The following ANAPC1 variants were observed in gnomAD, a reference collection of about 807,000 sequenced individuals.
ANAPC1 encodes anaphase-promoting complex subunit 1.
In ANAPC1, 36 loss-of-function variants were observed where a neutral mutation model predicts 208.0. The ratio of observed to expected loss-of-function variants is 0.17; its 90% CI spans 0.13 to 0.23. The LOEUF (loss-of-function observed/expected upper bound fraction) is 0.23, where lower values mean the gene tolerates loss of function less well. Among genes scored for constraint, ANAPC1 ranks in the 10% least tolerant of loss-of-function variants. The pLI is 1.00. For missense variants in ANAPC1, 942 were observed against 2,011.6 expected, an observed-to-expected ratio of 0.47 and a Z score of 10.17; for synonymous variants, 378 against 695.2, an observed-to-expected ratio of 0.54 and a Z score of 7.18.
chr2:111,864,095 G>A (rs28508499), intron 8 of ANAPC1, among the ~76,000 whole-genome samples, 200 bp from the exon 9 acceptor site: 1 of 152,068 alleles, frequency 6.6e-6, no homozygotes, highest in Admixed American at 6.6e-5. Flanking sequence ...GGGAGGGTGA[G>A]GAGAGAGGAT....
chr2:111,824,863 A>C, intron 24 of ANAPC1, 103 bp downstream of exon 24: 1 of 1,199,758 alleles, frequency 8.3e-7, no homozygotes, highest in Non-Finnish European at 1.2e-6. Context: ...CAATCTTGTG[A>C]GGCCTTTTCA....
chr2:111,831,994 C>T (rs4019123), intron 20 of ANAPC1, among the ~76,000 whole-genome samples: 78,744 of 139,606 alleles, frequency 0.56, 23,279 homozygotes, highest in South Asian at 0.66. Context: ...CCAAGGCATA[C>T]AAAGAATCTA....
chr2:111,831,203 A>G, intron 21 of ANAPC1, 83 bp downstream of exon 21: 1 of 1,475,968 alleles, frequency 6.8e-7, no homozygotes, highest in Non-Finnish European at 9.0e-7. Flanking sequence ...CTATACACAG[A>G]AAAAAACTTA....
At chr2:111,867,724 A>C (rs1311605456) in intron 7 of ANAPC1, among the ~76,000 whole-genome samples, 1 of 151,816 alleles carries the variant, frequency 6.6e-6, no homozygotes, top group Admixed American at 6.6e-5. Context: ...ACAACAAAAA[A>C]TAAACTTTAC....
chr2:111,806,249 G>C (rs1295132445), intron 29 of ANAPC1, among the ~76,000 whole-genome samples: 1 of 78,712 alleles, frequency 1.3e-5, no homozygotes, highest in African/African-American at 5.2e-5. Context: ...TAAAACATCT[G>C]GGCCGGGTGT....
At chr2:111,855,339 T>A (rs906835713) in intron 13 of ANAPC1, among the ~76,000 whole-genome samples, 7 of 152,146 alleles carry the variant, frequency 4.6e-5, no homozygotes, top group Non-Finnish European at 1.0e-4. Context: ...TTGCAAGAAT[T>A]ATCAATATTT....
At position 111,870,337 on chromosome 2, in the gene ANAPC1, G is replaced by A. The variant is rs937215044; in HGVS notation, c.612-2241C>T. Among the ~76,000 whole-genome samples the A allele has an allele frequency of 2.6e-5, 4 of 152,288 alleles. No homozygotes were observed. The East Asian group carries it at 5.8e-4, about 22-fold the overall frequency. ...CATACTAATTATGTTCCCACCAGCA[G>A]TGTATAAGCATTCCCCTTCCACCAC... On this transcript the variant is annotated intron_variant, in intron 6 of 47. Coordinates refer to ENST00000341068, the MANE Select transcript of ANAPC1 (RefSeq NM_022662.4).
intron 34 of ANAPC1, among the ~76,000 whole-genome samples, chr2:111,796,659 C>T (rs1036546379): frequency 2.0e-5 from 3 of 146,636 alleles, no homozygotes; most frequent in African/African-American, 7.9e-5. Flanking sequence ...AGAAAAAGTG[C>T]TATGAAGATG....
intron 29 of ANAPC1, among the ~76,000 whole-genome samples, chr2:111,806,703 C>T (rs1678694031): frequency 6.7e-6 from 1 of 148,302 alleles, no homozygotes; most frequent in African/African-American, 2.5e-5. Flanking sequence ...AATAATGAGC[C>T]CTACTATGGT....
intron 3 of ANAPC1, 98 bp downstream of exon 3, chr2:111,878,712 A>G: frequency 6.6e-7 from 1 of 1,522,788 alleles, no homozygotes; most frequent in Non-Finnish European, 8.9e-7. Context: ...TGCTGAGATC[A>G]TTAGGCTGGT....
intron 17 of ANAPC1, among the ~76,000 whole-genome samples, chr2:111,839,594 C>A (rs1175529166): frequency 6.6e-6 from 1 of 152,182 alleles, no homozygotes; most frequent in Admixed American, 6.5e-5. Context: ...ATATTTAAAA[C>A]TGAATGTTAT....
At chr2:111,861,079 C>T (rs1346113464) in intron 10 of ANAPC1, among the ~76,000 whole-genome samples, 1 of 152,078 alleles carries the variant, frequency 6.6e-6, no homozygotes, top group African/African-American at 2.4e-5. Flanking sequence ...TCTCTCAAGC[C>T]TCCTTTTTTT....
chr2:111,770,229 A>AT (rs1470357050), intron 47 of ANAPC1, among the ~76,000 whole-genome samples: 124 of 106,604 alleles, frequency 1.2e-3, no homozygotes, highest in African/African-American at 4.4e-3. Flanking sequence ...ATATATATAT[A>AT]AATTCTTTAA....
intron 16 of ANAPC1, among the ~76,000 whole-genome samples, chr2:111,844,925 C>G (rs1162842206): frequency 6.6e-6 from 1 of 152,180 alleles, no homozygotes; most frequent in Admixed American, 6.5e-5. Flanking sequence ...AGCTCACTGT[C>G]ACCTCCAACT....
At chr2:111,857,098 G>A (rs1190879042) in intron 11 of ANAPC1, 8 of 494,974 alleles carry the variant, frequency 1.6e-5, no homozygotes, top group South Asian at 7.1e-5. Flanking sequence ...AGGAGTTAAC[G>A]TAAGACAGAT....
At chr2:111,847,014 T>A (rs1333761113) in intron 16 of ANAPC1, 124 bp downstream of exon 16, 1 of 739,914 alleles carries the variant, frequency 1.4e-6, no homozygotes, top group African/African-American at 1.8e-5. Flanking sequence ...TCTTTAAAGC[T>A]CCTCTACAAA....
intron 3 of ANAPC1, among the ~76,000 whole-genome samples, chr2:111,875,836 G>A (rs1236547071): frequency 6.6e-6 from 1 of 152,094 alleles, no homozygotes; most frequent in Non-Finnish European, 1.5e-5. Flanking sequence ...AATTCTTTTT[G>A]CTGTGATTTC....
At chr2:111,842,432 A>T (rs1680814152) in intron 17 of ANAPC1, among the ~76,000 whole-genome samples, 1 of 152,136 alleles carries the variant, frequency 6.6e-6, no homozygotes, top group South Asian at 2.1e-4. Flanking sequence ...TCATGAGGTC[A>T]GGAGATCAAG....
Position 111,845,129 on chromosome 2 carries a change from T to C in ANAPC1, c.1853-1530A>G, listed in dbSNP as rs1274726879. ...TTCCAAAGGGAGGGGATTACAAGCA[T>C]GAGCCCACCACACCTGGCCTTATAC... On this transcript the variant is annotated intron_variant, in intron 16 of 47. Transcript: ENST00000341068. Among the ~76,000 whole-genome samples, 7 of 152,216 alleles carry C rather than the reference T, an allele frequency of 4.6e-5. No individual in the cohort carries two copies. The South Asian group carries it at 1.2e-3, about 27-fold the overall frequency.
Sources: allele counts gnomAD v4.1 joint callset (sites outside exome capture counted in the v4.1 genomes callset), GRCh38; gene constraint gnomAD v4.1.1; transcripts MANE v1.5; gene names NCBI Gene and HGNC (gene_info 2026-07-23, HGNC 2026-07-21).